PPP3CA: variants seen among roughly 807,000 people sequenced by gnomAD.
PPP3CA encodes CAM-PRP catalytic subunit.
In PPP3CA, 14 loss-of-function variants were observed where a neutral mutation model predicts 66.5. That is an observed-to-expected ratio of 0.21 (90% confidence interval 0.14 to 0.33). The LOEUF is 0.33. Among genes scored for constraint, PPP3CA ranks in the 10% least tolerant of loss-of-function variants. The pLI is 1.00. For missense variants in PPP3CA, 317 were observed against 639.5 expected (o/e 0.50, Z 5.44); for synonymous variants, 232 against 226.2 (o/e 1.03, Z -0.23).
At chr4:101,208,026 T>C (rs1161510018) in intron 1 of PPP3CA, among the ~76,000 whole-genome samples, 1 of 152,170 alleles carries the variant, frequency 6.6e-6, no homozygotes, top group African/African-American at 2.4e-5. Flanking sequence ...GGCAGTCATT[T>C]AGGCAGCACT....
chr4:101,304,564 TATGTA>T (rs1728478114), intron 1 of PPP3CA, among the ~76,000 whole-genome samples: 1 of 152,242 alleles, frequency 6.6e-6, no homozygotes, highest in Non-Finnish European at 1.5e-5. Context: ...ATCTGAATGT[TATGTA>T]AAGTGTTCAA....
At chr4:101,151,308 T>C (rs2110298668) in intron 2 of PPP3CA, among the ~76,000 whole-genome samples, 1 of 152,216 alleles carries the variant, frequency 6.6e-6, no homozygotes, top group African/African-American at 2.4e-5. Flanking sequence ...CTCATGCCTG[T>C]AATCCCAGCA....
At chr4:101,053,268 C>CA (rs1334012196) in intron 10 of PPP3CA, among the ~76,000 whole-genome samples, 1 of 152,094 alleles carries the variant, frequency 6.6e-6, no homozygotes, top group Non-Finnish European at 1.5e-5. Flanking sequence ...TCATCTCTTT[C>CA]AACAATCTGA....
chr4:101,345,111 G>A (rs1242703439), intron 1 of PPP3CA, among the ~76,000 whole-genome samples: 1 of 152,080 alleles, frequency 6.6e-6, no homozygotes, highest in Non-Finnish European at 1.5e-5. Context: ...GCCCTATTTC[G>A]AATCATTTTT....
At chr4:101,220,854 G>T (rs1725603332) in intron 1 of PPP3CA, among the ~76,000 whole-genome samples, 1 of 151,588 alleles carries the variant, frequency 6.6e-6, no homozygotes, top group Non-Finnish European at 1.5e-5. Context: ...TTTAAGCTAA[G>T]CCCAAATGAG....
intron 10 of PPP3CA, among the ~76,000 whole-genome samples, chr4:101,049,176 C>CT (rs2110216679): frequency 6.6e-6 from 1 of 152,240 alleles, no homozygotes; most frequent in African/African-American, 2.4e-5. Context: ...CTTTTGTTCT[C>CT]TAAGATGTTG....
chr4:101,248,682 T>C (rs1486731989), intron 1 of PPP3CA, among the ~76,000 whole-genome samples: 5 of 152,208 alleles, frequency 3.3e-5, no homozygotes. Flanking sequence ...AGATTACTAA[T>C]GTCCTCTTTT....
At chr4:101,260,290 G>A (rs915809168) in intron 1 of PPP3CA, among the ~76,000 whole-genome samples, 3 of 152,080 alleles carry the variant, frequency 2.0e-5, no homozygotes, top group Non-Finnish European at 2.9e-5. Flanking sequence ...GTCTGTATAC[G>A]TGCAGTATCA....
At chr4:101,048,851 G>A (rs1329261403) in intron 10 of PPP3CA, among the ~76,000 whole-genome samples, 2 of 151,968 alleles carry the variant, frequency 1.3e-5, no homozygotes, top group South Asian at 2.1e-4. Flanking sequence ...TTGGCATAAG[G>A]CTATTCTGTC....
At chr4:101,142,687 G>A (rs1722847218) in intron 2 of PPP3CA, among the ~76,000 whole-genome samples, 1 of 152,136 alleles carries the variant, frequency 6.6e-6, no homozygotes, top group African/African-American at 2.4e-5. Flanking sequence ...AGAGGTGTGA[G>A]CCACTGAGCC....
At chr4:101,171,323 T>G in intron 2 of PPP3CA, 1 of 365,426 alleles carries the variant, frequency 2.7e-6, no homozygotes, top group South Asian at 2.0e-5. Flanking sequence ...TTGGTTCTGA[T>G]GCATACTCGT....
intron 2 of PPP3CA, among the ~76,000 whole-genome samples, chr4:101,195,160 C>T (rs1031783388): frequency 3.3e-5 from 5 of 149,584 alleles, no homozygotes; most frequent in Non-Finnish European, 7.4e-5. Flanking sequence ...CCCAGCTACT[C>T]GGGAGGTGGA....
intron 10 of PPP3CA, among the ~76,000 whole-genome samples, chr4:101,050,786 AT>A (rs1727974962): frequency 6.6e-6 from 1 of 152,206 alleles, no homozygotes; most frequent in Admixed American, 6.5e-5. Flanking sequence ...CTACCTGCTA[AT>A]GCACGTAAAA....
At chr4:101,245,988 C>G (rs551203581) in intron 1 of PPP3CA, among the ~76,000 whole-genome samples, 78 of 151,306 alleles carry the variant, frequency 5.2e-4, no homozygotes, top group African/African-American at 1.8e-3. Context: ...CATGTTGTCT[C>G]TCCACCTATC....
intron 8 of PPP3CA, among the ~76,000 whole-genome samples, chr4:101,063,842 A>C (rs1454067766): frequency 6.6e-6 from 1 of 151,912 alleles, no homozygotes; most frequent in East Asian, 1.9e-4. Flanking sequence ...TTATTTTTTA[A>C]ATTAATATAA....
intron 2 of PPP3CA, among the ~76,000 whole-genome samples, chr4:101,165,792 TG>T (rs2110310792): frequency 6.6e-6 from 1 of 152,296 alleles, no homozygotes; most frequent in Non-Finnish European, 1.5e-5. Context: ...AAACTGCCAT[TG>T]GCTTTGTTGG....
At chr4:101,143,496 C>T (rs1722873800) in intron 2 of PPP3CA, among the ~76,000 whole-genome samples, 1 of 152,144 alleles carries the variant, frequency 6.6e-6, no homozygotes, top group African/African-American at 2.4e-5. Flanking sequence ...TCTCCCTAAT[C>T]ACTCTTGATT....
chr4:101,067,525 G>C (rs1017784039), intron 8 of PPP3CA, among the ~76,000 whole-genome samples: 10 of 148,614 alleles, frequency 6.7e-5, no homozygotes, highest in African/African-American at 2.5e-4. Context: ...ACTTTAATTT[G>C]AAATTTTGAT....
At chr4:101,300,720 G>A (rs554952443) in intron 1 of PPP3CA, among the ~76,000 whole-genome samples, 82 of 152,198 alleles carry the variant, frequency 5.4e-4, no homozygotes, top group African/African-American at 1.5e-3. Flanking sequence ...TCGCTCTGCC[G>A]GGAGGCAGAG....
Sources: gnomAD v4.1 joint callset for allele counts (sites outside exome capture counted in the v4.1 genomes callset) on GRCh38, gnomAD v4.1.1 for gene constraint, MANE v1.5 for transcripts, NCBI Gene and HGNC (gene_info 2026-07-23, HGNC 2026-07-21) for gene names.